Variants in SEC11A observed in about 807,000 individuals in gnomAD.
SEC11A encodes SEC11 homolog A, signal peptidase complex subunit, also known as signal peptidase complex catalytic subunit SEC11A.
A neutral mutation model predicts 25.6 loss-of-function variants in SEC11A; 14 were observed. The ratio of observed to expected loss-of-function variants is 0.55; its 90% CI spans 0.36 to 0.85. The LOEUF (loss-of-function observed/expected upper bound fraction) is 0.85, where lower values mean the gene tolerates loss of function less well. Among genes scored for constraint, SEC11A ranks in the 40% least tolerant of loss-of-function variants. The pLI, the probability that SEC11A is intolerant of heterozygous loss-of-function variation, is 0.01. For synonymous variants in SEC11A, 83 were observed against 76.4 expected, an observed-to-expected ratio of 1.09 and a Z score of -0.45; for missense variants, 153 against 222.9, an observed-to-expected ratio of 0.69 and a Z score of 2.00.
At chr15:84,683,004 G>A (rs182345373) in intron 3 of SEC11A, among the ~76,000 whole-genome samples, 32 of 152,096 alleles carry the variant, frequency 2.1e-4, no homozygotes, top group African/African-American at 7.2e-4. Flanking sequence ...AATCTGCAGA[G>A]GAAACTAAAT....
chr15:84,689,489 A>G (rs903926292), intron 2 of SEC11A, among the ~76,000 whole-genome samples: 45 of 152,088 alleles, frequency 3.0e-4, no homozygotes, highest in Admixed American at 2.4e-3. Context: ...TATTATTTAG[A>G]TTCTAGATAA....
intron 1 of SEC11A, among the ~76,000 whole-genome samples, chr15:84,695,164 A>T (rs1897730555): frequency 1.3e-5 from 2 of 149,642 alleles, no homozygotes; most frequent in South Asian, 2.1e-4. Flanking sequence ...GCGGATGATT[A>T]AAAAAAAATA....
At chr15:84,705,571 C>T (rs1231255340) in intron 1 of SEC11A, among the ~76,000 whole-genome samples, 1 of 151,968 alleles carries the variant, frequency 6.6e-6, no homozygotes, top group Non-Finnish European at 1.5e-5. Context: ...TTTCTGCTTC[C>T]AGACCAGGCG....
intron 1 of SEC11A, among the ~76,000 whole-genome samples, chr15:84,698,624 C>T (rs886582284): frequency 5.9e-5 from 9 of 152,264 alleles, no homozygotes; most frequent in African/African-American, 1.9e-4. Flanking sequence ...TCTAAATAAG[C>T]ATACCATCAT....
intron 4 of SEC11A, among the ~76,000 whole-genome samples, chr15:84,676,927 CAAAAATTA>C (rs1406672129): frequency 6.6e-6 from 1 of 151,802 alleles, no homozygotes; most frequent in Non-Finnish European, 1.5e-5. Context: ...CCAATCTCTA[CAAAAATTA>C]AAAAAATTAG....
chr15:84,670,918 T>C, intron 4 of SEC11A, 136 bp from the exon 5 acceptor site: 1 of 450,740 alleles, frequency 2.2e-6, no homozygotes, highest in Non-Finnish European at 4.1e-6. Flanking sequence ...ACTGCCCTAT[T>C]TGATCCTTGC....
At chr15:84,708,050 A>C (rs1898148742) in intron 1 of SEC11A, among the ~76,000 whole-genome samples, 1 of 151,944 alleles carries the variant, frequency 6.6e-6, no homozygotes, top group South Asian at 2.1e-4. Flanking sequence ...TTTACTAAAA[A>C]AATACAAAAA....
At chr15:84,695,261 G>A (rs986327223) in intron 1 of SEC11A, among the ~76,000 whole-genome samples, 3 of 151,294 alleles carry the variant, frequency 2.0e-5, no homozygotes, top group African/African-American at 7.3e-5. Flanking sequence ...TTGGGAGTTC[G>A]AGACTAGCCT....
intron 1 of SEC11A, among the ~76,000 whole-genome samples, chr15:84,699,853 G>A (rs1340215291): frequency 6.6e-6 from 1 of 151,958 alleles, no homozygotes. Context: ...ATGCATGTGA[G>A]GGGACTCCTG....
At chr15:84,710,463 G>A (rs573550717) in intron 1 of SEC11A, among the ~76,000 whole-genome samples, 1 of 151,990 alleles carries the variant, frequency 6.6e-6, no homozygotes, top group South Asian at 2.1e-4. Context: ...GTGAAACCTC[G>A]TCTCTACTAA....
chr15:84,700,984 C>CAAAAAAAAAA (rs57015135), intron 1 of SEC11A, among the ~76,000 whole-genome samples: 1 of 78,034 alleles, frequency 1.3e-5, no homozygotes. Flanking sequence ...AACTCCATAT[C>CAAAAAAAAAA]AAAAAAAAAA....
chr15:84,708,891 T>A (rs982028797), intron 1 of SEC11A, among the ~76,000 whole-genome samples: 3 of 152,138 alleles, frequency 2.0e-5, no homozygotes, highest in South Asian at 2.1e-4. Flanking sequence ...TAGGAAGATA[T>A]AAAAAGAATG....
intron 4 of SEC11A, chr15:84,672,502 CGA>C (rs1897013485): frequency 6.0e-6 from 1 of 167,948 alleles, no homozygotes; most frequent in East Asian, 1.8e-4. Flanking sequence ...CTCCTAACCG[CGA>C]GTGGTCCGCC....
intron 3 of SEC11A, 146 bp downstream of exon 3, chr15:84,687,479 C>A: frequency 1.8e-6 from 1 of 555,734 alleles, no homozygotes; most frequent in Non-Finnish European, 3.0e-6. Context: ...AAAATGTTCA[C>A]TAAACTTTCC....
intron 3 of SEC11A, chr15:84,686,944 C>T (rs1897444721): frequency 6.6e-6 from 1 of 152,384 alleles, no homozygotes; most frequent in South Asian, 2.1e-4. Flanking sequence ...GCAATCTTGG[C>T]TCACTGCAAC....
intron 2 of SEC11A, among the ~76,000 whole-genome samples, chr15:84,689,029 CAA>C (rs71453259): frequency 0.36 from 34,292 of 94,594 alleles, 4,251 homozygotes; most frequent in Middle Eastern, 0.5. Flanking sequence ...GACTCTGTCT[CAA>C]AAAAAAAAAA....
intron 1 of SEC11A, among the ~76,000 whole-genome samples, chr15:84,702,579 T>C (rs964337770): frequency 1.1e-4 from 17 of 152,102 alleles, no homozygotes; most frequent in African/African-American, 2.4e-4. Context: ...GCTGAGATTA[T>C]AGACACAAGC....
chr15:84,680,446 A>G (rs906419613), intron 4 of SEC11A, among the ~76,000 whole-genome samples: 9 of 152,218 alleles, frequency 5.9e-5, no homozygotes, highest in South Asian at 4.1e-4. Context: ...AAGTGAACAC[A>G]TTTTTTAAAA....
chr15:84,695,242 C>T (rs1341963025), intron 1 of SEC11A, among the ~76,000 whole-genome samples: 2 of 151,548 alleles, frequency 1.3e-5, no homozygotes, highest in African/African-American at 4.8e-5. Flanking sequence ...GCGAGCAGAT[C>T]ACCTGAGGTT....
Sources: gnomAD v4.1 joint callset for allele counts (sites outside exome capture counted in the v4.1 genomes callset) on GRCh38, gnomAD v4.1.1 for gene constraint, MANE v1.5 for transcripts, NCBI Gene and HGNC (gene_info 2026-07-23, HGNC 2026-07-21) for gene names.